The following ACAP3 variants were observed in gnomAD, a reference collection of about 807,000 sequenced individuals.
ACAP3 encodes the protein arf-GAP with coiled-coil, ANK repeat and PH domain-containing protein 3.
A neutral mutation model predicts 104.1 loss-of-function variants in ACAP3; 56 were observed. That is an observed-to-expected ratio of 0.54 (90% CI 0.43 to 0.67). The LOEUF (loss-of-function observed/expected upper bound fraction) is 0.67, where lower values mean the gene tolerates loss of function less well. Ranked by LOEUF, ACAP3 falls within the 30% of genes least tolerant of loss-of-function variation. The pLI is 0.00. For missense variants in ACAP3, 1,208 were observed against 1,174.9 expected (o/e 1.03, Z -0.41); for synonymous variants, 628 against 496.2 (o/e 1.27, Z -3.53).
chr1:1,302,888 C>A, intron 4 of ACAP3, 34 bp downstream of exon 4: 6 of 1,597,974 alleles, frequency 3.8e-6, no homozygotes, highest in South Asian at 3.3e-5. Context: ...CCAGGCCAGG[C>A]ACAGCCCACA....
In ACAP3 at chr1:1,294,513, C is replaced by A; in HGVS notation, c.2028G>T (p.Ala676=). The part of the protein sequence containing the change: ...LHPGLLAHRA[A]RARDLPALAA... ...CCAGCGCAGGAAGGTCGCGGGCACG[C>A]GCTGCGCGGTGCGCCAAGAGCCCCG... Residue 676 remains alanine, a synonymous_variant, in exon 21 of 24, where the codon GCG becomes GCT. Coordinates refer to ENST00000354700, the MANE Select transcript of ACAP3 (RefSeq NM_030649.3). 6.6e-7 allele frequency: 1 copy of A among 1,511,316 alleles called. No individual in the cohort carries two copies. The highest frequency in any genetic ancestry group is 1.2e-5 in the South Asian group (1 of 80,222). The allele number at this position is 1,511,316 out of a possible 1,614,324, so 93.6% of individuals were successfully genotyped here.
chr1:1,295,391 C>CA (rs1641080922), intron 19 of ACAP3, 56 bp downstream of exon 19: 7 of 1,534,788 alleles, frequency 4.6e-6, no homozygotes. Flanking sequence ...AGGCACCCTT[C>CA]AGGCCAGCCT....
At chr1:1,297,167 G>T (rs192421631) in intron 14 of ACAP3, among the ~76,000 whole-genome samples, 10,311 of 123,180 alleles carry the variant, frequency 0.084, 1,908 homozygotes, top group African/African-American at 0.38. Flanking sequence ...GTGCACAGGC[G>T]CGGGGCAGGG....
intron 19 of ACAP3, 109 bp downstream of exon 19, chr1:1,295,338 C>T (rs1361695106): frequency 1.0e-5 from 11 of 1,048,574 alleles, no homozygotes; most frequent in South Asian, 1.5e-5. Flanking sequence ...CCCCCCGCCC[C>T]TTCAGATGCT....
rs769667618 is a variant in ACAP3, at chr1:1,296,316, C to G, written c.1338-36G>C. The G allele has an allele frequency of 1.4e-5, 21 of 1,550,010 alleles. No homozygotes were observed. In the African/African-American group the frequency reaches 2.5e-4, roughly 18 times the overall value. On this transcript the variant is annotated intron_variant, in intron 15 of 23. Coordinates refer to ENST00000354700, the MANE Select transcript of ACAP3 (RefSeq NM_030649.3). ...GAGGTAGGGATGAGTCTGGGGGAGG[C>G]AAGGCCCCCAGCTCCGGCCCAACCC... is the stretch of plus-strand genomic sequence containing the variant.
Position 1,304,078 on chromosome 1 carries a change from C to T in ACAP3, c.105+8G>A. On this transcript the variant is annotated splice_region_variant and intron_variant, in intron 2 of 23. Coordinates refer to ENST00000354700, the MANE Select transcript of ACAP3 (RefSeq NM_030649.3). ...CCGGGCACAGGGCGCTCCAGGCCCGCCCTTCACCTTGTCCAGTTTGGCCTC... is the reference window on the plus strand; with the variant it reads ...CCGGGCACAGGGCGCTCCAGGCCCGTCCTTCACCTTGTCCAGTTTGGCCTC... The T allele has an allele frequency of 1.3e-6, 2 of 1,550,616 alleles. No individual in the cohort carries two copies. The highest frequency in any genetic ancestry group is 1.2e-5 in the South Asian group (1 of 84,068).
rs1570660778 is a variant in ACAP3, at chr1:1,303,635, G to A, written c.106-354C>T. The A allele has an allele frequency of 2.4e-6, 1 of 424,748 alleles. No individual in the cohort carries two copies. The highest frequency in any genetic ancestry group is 4.3e-6 in the Non-Finnish European group (1 of 232,508). The allele number at this position is 424,748 out of a possible 1,614,324, so 26.3% of individuals were successfully genotyped here. A position where few individuals can be genotyped will look rare whatever the true frequency, so the allele number is the denominator to read the frequency against. On this transcript the variant is annotated intron_variant, in intron 2 of 23. Transcript: ENST00000354700. This position sits in a 1 kb window ranked among gnomAD's most constrained non-coding sequence, Gnocchi z 4.0. ...CCCCTCCTCTTTCTCAGCCCATGTG[G>A]GGCTCATGGACACGGCTCCCCTCTC...
chr1:1,295,547 G>T lies in ACAP3; in HGVS notation c.1713C>A (p.Thr571=). ...AGTCTCGGCGGAACTTACGATCCAG[G>T]GTGCCCACTGCAGGGGCAGTGCGTG... ...PCVAALSSVG[T]LDRKFRRDSL... is the part of the protein sequence containing the mutation. The change falls in exon 19 of 24, where the codon ACC becomes ACA. Residue 571 remains threonine, a synonymous_variant. Transcript: ENST00000354700. The T allele has an allele frequency of 2.5e-6, 4 of 1,612,510 alleles. No individual in the cohort carries two copies. Among genetic ancestry groups the T allele is most frequent in the Non-Finnish European group, 3.4e-6 (4 of 1,179,856 alleles).
Position 1,299,897 on chromosome 1 carries a change from C to G in ACAP3, c.672G>C (p.Gln224His). 6.3e-7 allele frequency: 1 copy of G among 1,582,008 alleles called. No individual in the cohort carries two copies. The highest frequency in any genetic ancestry group is 8.6e-7 in the Non-Finnish European group (1 of 1,159,246). Residue 224 changes from glutamine (Q) to histidine (H), a missense_variant, in exon 9 of 24, where the codon CAG becomes CAC. By Grantham distance (24) the Gln-to-His change is conservative. Transcript: ENST00000354700. Reference sequence around the variant, plus strand: ...TTTCCACCGCAGAGTCGATCACCAGCTGGTCCAGCTGTTGGGGGTGGCATT... The same window carrying G: ...TTTCCACCGCAGAGTCGATCACCAGGTGGTCCAGCTGTTGGGGGTGGCATT... ...YMKKLAAELDQLVIDSAVEKR... is the reference protein window; with the variant it reads ...YMKKLAAELDHLVIDSAVEKR...
In ACAP3 at chr1:1,303,957, C is replaced by A. The variant is rs1167341190; in HGVS notation, c.105+129G>T. On this transcript the variant is annotated intron_variant, in intron 2 of 23. Transcript: ENST00000354700. The surrounding 1 kb of genome is among the most constrained non-coding windows in gnomAD (Gnocchi z 4.0). The stretch of plus-strand genomic sequence containing the variant: ...ACATGCTAAGACACAGGGACCAGGA[C>A]CTGGAGCACCACACGCATGCTCCAC... The A allele has an allele frequency of 2.7e-6, 3 of 1,111,716 alleles. No individual in the cohort carries two copies. In the East Asian group the frequency reaches 7.7e-5, roughly 29 times the overall value. The allele number at this position is 1,111,716 out of a possible 1,614,324, so 68.9% of individuals were successfully genotyped here.
intron 18 of ACAP3, 37 bp from the exon 19 acceptor site, chr1:1,295,591 C>T (rs1209416142): frequency 1.9e-6 from 3 of 1,602,144 alleles, no homozygotes; most frequent in Non-Finnish European, 2.6e-6. Flanking sequence ...GTGGAACAGG[C>T]CCGGGGTGGG....
At chr1:1,302,806 C>CA (rs1483547059) in intron 4 of ACAP3, 116 bp downstream of exon 4, 4 of 331,920 alleles carry the variant, frequency 1.2e-5, no homozygotes, top group South Asian at 4.2e-5. Context: ...CCCCCCCCCC[C>CA]CGACTAGAGG....
In ACAP3 at chr1:1,298,679, C is replaced by T. The variant is rs1287461017; in HGVS notation, c.751G>A (p.Asp251Asn). 6 of 1,611,674 alleles carry T rather than the reference C, an allele frequency of 3.7e-6. No homozygotes were observed. The highest frequency in any genetic ancestry group is 2.2e-5 in the East Asian group (1 of 44,870). Residue 251 changes from aspartate to asparagine, a missense_variant and splice_region_variant, in exon 11 of 24, where the codon GAC becomes AAC. Physicochemically the swap from Asp to Asn is conservative, Grantham distance 23. Transcript: ENST00000354700. Reference protein sequence around the residue: ...AAIQQRTLLQDFSYDESKVEF... With the variant: ...AAIQQRTLLQNFSYDESKVEF... ...ACTTTGGACTCATCGTAGGAGAAGTCCTGGGGGGATGGAACCCGCCCCCTC... is the reference window on the plus strand; with the variant it reads ...ACTTTGGACTCATCGTAGGAGAAGTTCTGGGGGGATGGAACCCGCCCCCTC...
intron 10 of ACAP3, 118 bp from the exon 11 acceptor site, chr1:1,298,797 G>A (rs1641314583): frequency 5.4e-6 from 4 of 746,156 alleles, no homozygotes; most frequent in African/African-American, 3.5e-5. Flanking sequence ...ACGGCCCACG[G>A]ACCACACGCT....
Position 1,296,582 on chromosome 1 carries a change from C to T in ACAP3, c.1180G>A (p.Asp394Asn), listed in dbSNP as rs1367187385. ...PSTSSIDSAT[D>N]TRERGVKGES... ...CCCTTCACGCCACGCTCCCGAGTGT[C>T]GGTGGCGGAGTCGATGCTGCTCGTG... Residue 394 changes from aspartate (D) to asparagine (N), a missense_variant, in exon 15 of 24, where the codon GAC becomes AAC. Transcript: ENST00000354700. 4.5e-6 allele frequency: 7 copies of T among 1,539,574 alleles called. No homozygotes were observed. The highest frequency in any genetic ancestry group is 1.2e-5 in the South Asian group (1 of 84,050).
chr1:1,302,904 C>T lies in ACAP3; in HGVS notation c.279+18G>A. 1.2e-6 allele frequency: 2 copies of T among 1,604,286 alleles called. No individual in the cohort carries two copies. Among genetic ancestry groups the T allele is most frequent in the Non-Finnish European group, 1.7e-6 (2 of 1,175,200 alleles). Reference sequence around the variant, plus strand: ...CAGGCCAGGCACAGCCCACAGGTGGCAGGGAGGCCGCGCTCACCATGTGGT... The same window carrying T: ...CAGGCCAGGCACAGCCCACAGGTGGTAGGGAGGCCGCGCTCACCATGTGGT... On this transcript the variant is annotated intron_variant, in intron 4 of 23. Transcript: ENST00000354700.
chr1:1,294,766 C>T lies in ACAP3; in HGVS notation c.1864G>A (p.Val622Ile). 1 of 1,549,944 alleles carries T rather than the reference C, an allele frequency of 6.5e-7. No individual in the cohort carries two copies. Among genetic ancestry groups the T allele is most frequent in the Non-Finnish European group, 8.7e-7 (1 of 1,146,732 alleles). ...ACAGAGCCCGAGCCGAAAGCCAGGA[C>T]GTCCGAGCTGCCATCCGAGCTGCCC... is the stretch of plus-strand genomic sequence containing the variant. ...LGGSSDGSSD[V>I]LAFGSGSVVD... The change falls in exon 20 of 24, where the codon GTC becomes ATC. Residue 622 changes from valine to isoleucine, a missense_variant. Val to Ile is a conservative substitution (Grantham distance 29). Transcript: ENST00000354700.
intron 19 of ACAP3, 60 bp downstream of exon 19, chr1:1,295,387 C>T (rs762560985): frequency 2.5e-4 from 373 of 1,506,090 alleles, no homozygotes; most frequent in Non-Finnish European, 3.3e-4. Flanking sequence ...ACTCAGGCAC[C>T]CTTCAGGCCA....
At chr1:1,295,000 G>T in intron 19 of ACAP3, 184 bp from the exon 20 acceptor site, 1 of 604,672 alleles carries the variant, frequency 1.7e-6, no homozygotes, top group Non-Finnish European at 2.9e-6. Flanking sequence ...CCAAATAACA[G>T]CTCAAAGGTG....
Sources: gnomAD v4.1 joint callset for allele counts (sites outside exome capture counted in the v4.1 genomes callset) on GRCh38, gnomAD v4.1.1 for gene constraint, Gnocchi (gnomAD v3.1) non-coding constraint, MANE v1.5 for transcripts, NCBI Gene and HGNC (gene_info 2026-07-23, HGNC 2026-07-21) for gene names.